Variants in NPAS2 observed in about 807,000 individuals in gnomAD.
NPAS2 encodes neuronal PAS domain protein 2.
In NPAS2, 23 loss-of-function variants were observed where a neutral mutation model predicts 107.5. The ratio of observed to expected loss-of-function variants is 0.21; its 90% CI spans 0.15 to 0.30. NPAS2 has a LOEUF of 0.30. Ranked by LOEUF, NPAS2 falls within the 10% of genes least tolerant of loss-of-function variation. The probability of loss-of-function intolerance (pLI) is 1.00; values close to 1 mark genes in which losing one functional copy is unlikely to be tolerated. For missense variants in NPAS2, 756 were observed against 1,043.3 expected (o/e 0.72, Z 3.79); for synonymous variants, 403 against 417.5 (o/e 0.97, Z 0.42).
rs770326074 is a variant in NPAS2 at position 100,964,133 on chromosome 2, G to A, written c.674G>A (p.Cys225Tyr). Residue 225 changes from cysteine (C) to tyrosine (Y), a missense_variant, in exon 8 of 21, where the codon TGC (cysteine) becomes TAC (tyrosine). Coordinates refer to ENST00000335681, the MANE Select transcript of NPAS2 (RefSeq NM_002518.4). Reference sequence around the variant, plus strand: ...CGGGTGCCACTAGGAAAGGAGGTTTGCTTCATTGCCACCGTTCGTCTGGCA... The same window carrying A: ...CGGGTGCCACTAGGAAAGGAGGTTTACTTCATTGCCACCGTTCGTCTGGCA... ...PCRVPLGKEV[C>Y]FIATVRLATP... The A allele has an allele frequency of 2.7e-5, 44 of 1,613,982 alleles. No individual in the cohort carries two copies. Among genetic ancestry groups the A allele is most frequent in the Non-Finnish European group, 3.4e-5 (40 of 1,179,982 alleles).
At chr2:100,951,723 C>T (rs1675232613) in intron 7 of NPAS2, among the ~76,000 whole-genome samples, 1 of 152,084 alleles carries the variant, frequency 6.6e-6, no homozygotes, top group African/African-American at 2.4e-5. Flanking sequence ...TTCAGTTTTG[C>T]AGGATGAAAG....
chr2:100,828,833 G>T (rs1676550136), intron 1 of NPAS2, among the ~76,000 whole-genome samples: 1 of 152,112 alleles, frequency 6.6e-6, no homozygotes, highest in African/African-American at 2.4e-5. Context: ...GTAATATGAT[G>T]TCTCCAGCTT....
chr2:100,957,922 A>C (rs1029945887), intron 7 of NPAS2, among the ~76,000 whole-genome samples: 5 of 152,162 alleles, frequency 3.3e-5, no homozygotes, highest in East Asian at 1.9e-4. Flanking sequence ...AGCGAAACTC[A>C]GTCTCAAAAA....
rs368575064 is a variant in NPAS2 at position 100,995,392 on chromosome 2, T to C, written c.2293-8T>C. 7.5e-5 allele frequency: 121 copies of C among 1,607,574 alleles called. No homozygotes were observed. In the African/African-American group the frequency reaches 1.4e-3, roughly 18 times the overall value. On this transcript the variant is annotated splice_polypyrimidine_tract_variant and splice_region_variant and intron_variant, in intron 20 of 20. Transcript: ENST00000335681. The stretch of plus-strand genomic sequence containing the variant: ...CACCTCTGAAGCCCTTTGTTCTTTT[T>C]TTTCTAGGTACAGGCACCAACCTCT...
intron 4 of NPAS2, among the ~76,000 whole-genome samples, chr2:100,933,687 A>G (rs1684125266): frequency 6.6e-6 from 1 of 152,212 alleles, no homozygotes; most frequent in Non-Finnish European, 1.5e-5. Context: ...CAATGCAGAT[A>G]AGCATAAGCC....
chr2:100,878,923 A>G (rs1261518376), intron 1 of NPAS2, among the ~76,000 whole-genome samples: 1 of 152,154 alleles, frequency 6.6e-6, no homozygotes, highest in Non-Finnish European at 1.5e-5. Flanking sequence ...GTTCAAGACC[A>G]GCCTCGCCAA....
intron 5 of NPAS2, among the ~76,000 whole-genome samples, chr2:100,941,936 C>G (rs972928977): frequency 1.3e-5 from 2 of 152,150 alleles, no homozygotes; most frequent in African/African-American, 4.8e-5. Flanking sequence ...GCTCTTAAGG[C>G]AGACATCATA....
chr2:100,949,346 C>T, intron 6 of NPAS2, 21 bp from the exon 7 acceptor site: 1 of 1,451,660 alleles, frequency 6.9e-7, no homozygotes. Context: ...TTTCTCTCCT[C>T]TTCTTCCTTT....
At position 100,858,231 on chromosome 2, in the gene NPAS2, T is replaced by G. The variant is rs58520356; in HGVS notation, c.-23+37817T>G. On this transcript the variant is annotated intron_variant, in intron 1 of 20. Transcript: ENST00000335681. The stretch of plus-strand genomic sequence containing the variant: ...CTGACTCAGCCTCTGTCTTCAGGGA[T>G]GAGGATGCTATCCATATTTTAAAAC... Among the ~76,000 whole-genome samples the G allele has an allele frequency of 5.9e-3, 891 of 152,298 alleles. 52 individuals carry two copies. In the East Asian group the frequency reaches 0.14, roughly 24 times the overall value.
intron 3 of NPAS2, among the ~76,000 whole-genome samples, chr2:100,927,317 G>A (rs1170507338): frequency 6.6e-6 from 1 of 152,090 alleles, no homozygotes; most frequent in African/African-American, 2.4e-5. Context: ...TCGTAAGGTG[G>A]GCTATGAAAA....
intron 1 of NPAS2, among the ~76,000 whole-genome samples, chr2:100,821,387 C>G (rs975589181): frequency 1.3e-5 from 2 of 152,008 alleles, no homozygotes. Context: ...TCAGGAGGGT[C>G]CCGGAGAGGA....
Position 100,976,712 on chromosome 2 carries a change from T to C in NPAS2, c.1393-998T>C, listed in dbSNP as rs1677034242. 1 of 152,194 alleles carries C rather than the reference T, an allele frequency of 6.6e-6. No individual in the cohort carries two copies. Among genetic ancestry groups the C allele is most frequent in the South Asian group, 2.1e-4 (1 of 4,822 alleles). 9.4% of individuals were successfully genotyped at this position (152,194 alleles called of 1,614,324 possible). A position where few individuals can be genotyped will look rare whatever the true frequency, so the allele number is the denominator to read the frequency against. ...TCAAGTAGAATGTGGCAAAGACCAC[T>C]TACTTTCTCTCCAGCCACCTCCAGA... is the stretch of plus-strand genomic sequence containing the variant. On this transcript the variant is annotated intron_variant, in intron 14 of 20. Transcript: ENST00000335681. This position sits in a 1 kb window ranked among gnomAD's most constrained non-coding sequence, Gnocchi z 4.1.
chr2:100,962,029 A>G (rs1462598460), intron 7 of NPAS2, among the ~76,000 whole-genome samples: 3 of 152,118 alleles, frequency 2.0e-5, no homozygotes, highest in Non-Finnish European at 4.4e-5. Context: ...AATTATGCGG[A>G]TGTTCACATC....
chr2:100,925,369 T>C, intron 3 of NPAS2, 75 bp downstream of exon 3: 1 of 1,529,410 alleles, frequency 6.5e-7, no homozygotes, highest in Non-Finnish European at 8.9e-7. Context: ...CAATCTGGGC[T>C]GCCTGGTTGG....
At chr2:100,828,034 A>G (rs1287138113) in intron 1 of NPAS2, among the ~76,000 whole-genome samples, 1 of 152,162 alleles carries the variant, frequency 6.6e-6, no homozygotes, top group Admixed American at 6.5e-5. Flanking sequence ...CATTCCAGTC[A>G]ACAGTGCATT....
At chr2:100,906,014 T>C (rs1682124307) in intron 2 of NPAS2, among the ~76,000 whole-genome samples, 1 of 152,158 alleles carries the variant, frequency 6.6e-6, no homozygotes, top group Non-Finnish European at 1.5e-5. Context: ...GCAGAGGAAA[T>C]GGCCAGAAGT....
At position 100,951,932 on chromosome 2, in the gene NPAS2, G is replaced by A. The variant is rs6728954; in HGVS notation, c.598+2452G>A. The stretch of plus-strand genomic sequence containing the variant: ...TGGGAGGCCGAGGCGGGCGGATCAC[G>A]AGGTCAGGAGATCGAGACCATCCTG... On this transcript the variant is annotated intron_variant, in intron 7 of 20. Transcript: ENST00000335681. 5.0e-3 allele frequency among the ~76,000 whole-genome samples: 754 copies of A among 152,056 alleles called. 7 individuals are homozygous for A. The highest frequency in any genetic ancestry group is 0.017 in the African/African-American group (709 of 41,456).
At chr2:100,963,290 A>G (rs1676019112) in intron 7 of NPAS2, among the ~76,000 whole-genome samples, 1 of 152,244 alleles carries the variant, frequency 6.6e-6, no homozygotes, top group Non-Finnish European at 1.5e-5. Context: ...TTTCCCTGGG[A>G]CCATCAGTAT....
chr2:100,842,370 G>A (rs753591819), intron 1 of NPAS2, among the ~76,000 whole-genome samples: 14 of 152,098 alleles, frequency 9.2e-5, no homozygotes, highest in Non-Finnish European at 4.4e-5. Context: ...ACTCCTGCAC[G>A]TAGACAGAAT....
Sources: gnomAD v4.1 joint callset for allele counts (sites outside exome capture counted in the v4.1 genomes callset) on GRCh38, gnomAD v4.1.1 for gene constraint, Gnocchi (gnomAD v3.1) non-coding constraint, MANE v1.5 for transcripts, NCBI Gene and HGNC (gene_info 2026-07-23, HGNC 2026-07-21) for gene names.